LMCD1: variants seen among roughly 807,000 people sequenced by gnomAD.
The protein encoded by LMCD1 is LIM and cysteine rich domains 1, also known as LIM and cysteine-rich domains protein 1.
A neutral mutation model predicts 42.7 loss-of-function variants in LMCD1; 32 were observed. The observed-to-expected ratio is 0.75, with a 90% CI of 0.57 to 1.01. The LOEUF (loss-of-function observed/expected upper bound fraction) is 1.01, where lower values mean the gene tolerates loss of function less well. Among genes scored for constraint, LMCD1 ranks in the 50% least tolerant of loss-of-function variants. The pLI is 0.00. For missense variants in LMCD1, 458 were observed against 483.1 expected, an observed-to-expected ratio of 0.95 and a Z score of 0.49; for synonymous variants, 178 against 184.9, an observed-to-expected ratio of 0.96 and a Z score of 0.30.
intron 1 of LMCD1, among the ~76,000 whole-genome samples, chr3:8,515,831 C>A (rs1475878271): frequency 6.6e-6 from 1 of 151,956 alleles, no homozygotes; most frequent in Non-Finnish European, 1.5e-5. Flanking sequence ...GGAGGGGAGA[C>A]CATTAACCTA....
chr3:8,552,409 A>G (rs927488619), intron 4 of LMCD1, among the ~76,000 whole-genome samples: 11 of 152,186 alleles, frequency 7.2e-5, no homozygotes, highest in African/African-American at 2.4e-4. Context: ...TCTTTACAGC[A>G]GAACTTCTCA....
At chr3:8,528,000 A>T (rs1201104148) in intron 1 of LMCD1, among the ~76,000 whole-genome samples, 3 of 152,216 alleles carry the variant, frequency 2.0e-5, no homozygotes, top group African/African-American at 7.2e-5. Context: ...ATTTGGGGTT[A>T]TCTTTTTTGA....
In LMCD1 at chr3:8,519,588, T is replaced by C. The variant is rs538738658; in HGVS notation, c.43-13149T>C. Among the ~76,000 whole-genome samples the C allele has an allele frequency of 2.6e-5, 4 of 152,272 alleles. No individual in the cohort carries two copies. In the South Asian group the frequency reaches 8.3e-4, roughly 32 times the overall value. On this transcript the variant is annotated intron_variant, in intron 1 of 5. Coordinates refer to ENST00000157600, the MANE Select transcript of LMCD1 (RefSeq NM_014583.4). ...TGGCCTAAATACTCTGTAAGTTCCTTTTAGTCCTAAAGATCTATGACTTTC... is the reference window on the plus strand; with the variant it reads ...TGGCCTAAATACTCTGTAAGTTCCTCTTAGTCCTAAAGATCTATGACTTTC...
rs141784204 is a variant in LMCD1, at chr3:8,514,977, T to C, written c.42+12997T>C. 1,860 of 456,720 alleles carry C rather than the reference T, an allele frequency of 4.1e-3. 4 individuals are homozygous for C. Among genetic ancestry groups the C allele is most frequent in the Non-Finnish European group, 6.6e-3 (1,506 of 226,982 alleles). The allele number at this position is 456,720 out of a possible 1,614,324, so 28.3% of individuals were successfully genotyped here. A position where few individuals can be genotyped will look rare whatever the true frequency, so the allele number is the denominator to read the frequency against. On this transcript the variant is annotated intron_variant, in intron 1 of 5. Coordinates refer to ENST00000157600, the MANE Select transcript of LMCD1 (RefSeq NM_014583.4). Reference sequence around the variant, plus strand: ...AAGTAATCGAGCGAATACTGGAGATTGGTGCATTTCGACCGCATGTAAGTT... The same window carrying C: ...AAGTAATCGAGCGAATACTGGAGATCGGTGCATTTCGACCGCATGTAAGTT...
At chr3:8,508,778 G>A (rs1449499928) in intron 1 of LMCD1, among the ~76,000 whole-genome samples, 2 of 152,176 alleles carry the variant, frequency 1.3e-5, no homozygotes, top group African/African-American at 2.4e-5. Flanking sequence ...TATGAATGAA[G>A]GAGAAAAGAG....
chr3:8,511,012 T>G (rs1048006821), intron 1 of LMCD1, among the ~76,000 whole-genome samples: 6 of 152,354 alleles, frequency 3.9e-5, no homozygotes, highest in Admixed American at 6.5e-5. Flanking sequence ...GATTGAGGTC[T>G]GAGGCTCTTG....
chr3:8,502,354 A>T (rs1574940731), intron 1 of LMCD1, among the ~76,000 whole-genome samples: 4 of 86,362 alleles, frequency 4.6e-5, no homozygotes, highest in Admixed American at 2.0e-4. Context: ...TAAAATATAT[A>T]ATATATATTA....
chr3:8,572,133 T>C lies in LMCD1; in HGVS notation c.*4535T>C, dbSNP rs768917822. 6 of 152,248 alleles carry C rather than the reference T, an allele frequency of 3.9e-5. No individual in the cohort carries two copies. The highest frequency in any genetic ancestry group is 1.3e-4 in the Admixed American group (2 of 15,282). The allele number at this position is 152,248 out of a possible 1,614,324, so 9.4% of individuals were successfully genotyped here. ...TGTTCTTTCCTGAATGTTCATGACC[T>C]TGACATCTTAGAAGATTAAAGGTTA... On this transcript the variant is annotated 3_prime_UTR_variant, in exon 6 of 6. Coordinates refer to ENST00000157600, the MANE Select transcript of LMCD1 (RefSeq NM_014583.4).
chr3:8,566,498 T>C (rs529372363), intron 5 of LMCD1, among the ~76,000 whole-genome samples: 1 of 152,304 alleles, frequency 6.6e-6, no homozygotes, highest in South Asian at 2.1e-4. Context: ...TATTAAGTGA[T>C]ATTAAGAAGG....
At chr3:8,502,319 T>A (rs868220332) in intron 1 of LMCD1, among the ~76,000 whole-genome samples, 1 of 35,352 alleles carries the variant, frequency 2.8e-5, no homozygotes, top group Non-Finnish European at 5.1e-5. Context: ...ATAAAATATA[T>A]ATTATATATA....
intron 3 of LMCD1, among the ~76,000 whole-genome samples, chr3:8,541,643 T>G (rs1245794922): frequency 1.3e-5 from 2 of 152,142 alleles, no homozygotes; most frequent in East Asian, 3.8e-4. Context: ...CTGCTAAAGG[T>G]TATGGGAACA....
chr3:8,555,850 G>A (rs773019831), intron 4 of LMCD1, among the ~76,000 whole-genome samples: 4 of 149,832 alleles, frequency 2.7e-5, no homozygotes, highest in Admixed American at 6.7e-5. Context: ...TCTCTGTCAC[G>A]ACTAATTAAC....
intron 1 of LMCD1, 37 bp from the exon 2 acceptor site, chr3:8,532,700 T>G: frequency 6.3e-7 from 1 of 1,589,226 alleles, no homozygotes; most frequent in East Asian, 2.2e-5. Flanking sequence ...CCAAGATGTT[T>G]GGAAGGAAAA....
intron 1 of LMCD1, among the ~76,000 whole-genome samples, chr3:8,503,990 A>T (rs978700498): frequency 1.3e-5 from 2 of 152,206 alleles, no homozygotes; most frequent in African/African-American, 2.4e-5. Flanking sequence ...TAGAGGTGGA[A>T]CATGTTCTCC....
At chr3:8,515,417 T>G (rs550914088) in intron 1 of LMCD1, among the ~76,000 whole-genome samples, 1 of 152,190 alleles carries the variant, frequency 6.6e-6, no homozygotes, top group Non-Finnish European at 1.5e-5. Flanking sequence ...AAGTTCTCTG[T>G]CCTGTGAAGT....
At chr3:8,561,733 AT>A (rs1422311680) in intron 4 of LMCD1, among the ~76,000 whole-genome samples, 2 of 152,208 alleles carry the variant, frequency 1.3e-5, no homozygotes, top group African/African-American at 4.8e-5. Context: ...GATTTTCCGA[AT>A]AGAAAAATAA....
In LMCD1 at chr3:8,574,259, A is replaced by C. The variant is rs61055616; in HGVS notation, c.*6661A>C. The C allele has an allele frequency of 6.6e-6, 1 of 152,304 alleles. No homozygotes were observed. The highest frequency in any genetic ancestry group is 1.5e-5 in the Non-Finnish European group (1 of 68,104). 9.4% of individuals were successfully genotyped at this position (152,304 alleles called of 1,614,324 possible). The stretch of plus-strand genomic sequence containing the variant: ...TGACCAATCTCTGTGCCCAGAGGGC[A>C]GGGTACTCTGATTGGCAATACCTTC... On this transcript the variant is annotated 3_prime_UTR_variant, in exon 6 of 6. Transcript: ENST00000157600.
intron 1 of LMCD1, among the ~76,000 whole-genome samples, chr3:8,528,913 T>C (rs1329182438): frequency 2.0e-5 from 3 of 152,130 alleles, no homozygotes; most frequent in Non-Finnish European, 4.4e-5. Context: ...AGTTTCACGA[T>C]AATATCAAAT....
intron 3 of LMCD1, among the ~76,000 whole-genome samples, chr3:8,548,303 G>A (rs888911982): frequency 7.9e-5 from 12 of 152,032 alleles, no homozygotes; most frequent in African/African-American, 2.9e-4. Context: ...AGGTAGCTAA[G>A]GGATGCGTGT....
Sources: allele counts gnomAD v4.1 joint callset (sites outside exome capture counted in the v4.1 genomes callset), GRCh38; gene constraint gnomAD v4.1.1; transcripts MANE v1.5; gene names NCBI Gene and HGNC (gene_info 2026-07-23, HGNC 2026-07-21).